The following UBTD1 variants were observed in gnomAD, a reference collection of about 807,000 sequenced individuals.
The protein encoded by UBTD1 is ubiquitin domain-containing protein 1.
In UBTD1, 19 loss-of-function variants were observed where a neutral mutation model predicts 21.7. That is an observed-to-expected ratio of 0.87 (90% CI 0.61 to 1.28). The LOEUF (loss-of-function observed/expected upper bound fraction) is 1.28. Ranked by LOEUF, UBTD1 falls within the 50% of genes most tolerant of loss-of-function variation. UBTD1 has a pLI of 0.00. For synonymous variants in UBTD1, 116 were observed against 135.1 expected (o/e 0.86, Z 0.98); for missense variants, 282 against 315.1 (o/e 0.89, Z 0.80).
At position 97,499,196 on chromosome 10, in the gene UBTD1, G is replaced by A; in HGVS notation, c.-8G>A. On this transcript the variant is annotated 5_prime_UTR_variant, in exon 1 of 3. Transcript: ENST00000370664. The stretch of plus-strand genomic sequence containing the variant: ...CTCCGGTGCATGGGGACTGGCTGAG[G>A]AGCCAGCATGGGCAACTGCGTGGGG... 6.5e-7 allele frequency: 1 copy of A among 1,543,334 alleles called. No homozygotes were observed. The highest frequency in any genetic ancestry group is 8.7e-7 in the Non-Finnish European group (1 of 1,143,962).
At chr10:97,516,935 G>A (rs753901097) in intron 1 of UBTD1, among the ~76,000 whole-genome samples, 4 of 152,136 alleles carry the variant, frequency 2.6e-5, no homozygotes, top group Non-Finnish European at 4.4e-5. Flanking sequence ...ATGGCACCTC[G>A]GATGCTGACT....
intron 1 of UBTD1, among the ~76,000 whole-genome samples, chr10:97,543,074 C>G (rs967516889): frequency 2.0e-5 from 3 of 152,260 alleles, no homozygotes; most frequent in Non-Finnish European, 4.4e-5. Context: ...TGGATTGCCT[C>G]TCAAGAGCCT....
At chr10:97,536,469 G>C (rs1160994078) in intron 1 of UBTD1, among the ~76,000 whole-genome samples, 4 of 152,236 alleles carry the variant, frequency 2.6e-5, no homozygotes, top group Admixed American at 6.5e-5. Context: ...GGGTACCCCA[G>C]CTAGTGTTTG....
rs145613339 is a variant in UBTD1 at position 97,502,014 on chromosome 10, G to A, written c.70+2741G>A. Among the ~76,000 whole-genome samples, 356 of 152,234 alleles carry A rather than the reference G, an allele frequency of 2.3e-3. 3 individuals are homozygous for A. Among genetic ancestry groups the A allele is most frequent in the African/African-American group, 7.8e-3 (325 of 41,528 alleles). The stretch of plus-strand genomic sequence containing the variant: ...ACAGTCTTTTATCAGCAACTACATT[G>A]CAAGCCTTGAAGACCTGGGTTCTGT... On this transcript the variant is annotated intron_variant, in intron 1 of 2. Transcript: ENST00000370664.
chr10:97,512,800 C>G (rs2040428106), intron 1 of UBTD1, among the ~76,000 whole-genome samples: 1 of 152,188 alleles, frequency 6.6e-6, no homozygotes, highest in Admixed American at 6.5e-5. Flanking sequence ...TTGACAGTAC[C>G]ATTCCTTGGG....
intron 1 of UBTD1, among the ~76,000 whole-genome samples, chr10:97,509,343 G>A (rs1039536802): frequency 6.6e-6 from 1 of 152,222 alleles, no homozygotes; most frequent in African/African-American, 2.4e-5. Flanking sequence ...TCTGTAAAAT[G>A]GGGTAAGCAT....
At position 97,567,599 on chromosome 10, in the gene UBTD1, C is replaced by T. The variant is rs563742125; in HGVS notation, c.71-315C>T. 1.3e-3 allele frequency among the ~76,000 whole-genome samples: 191 copies of T among 152,036 alleles called. 1 individual carries two copies. The highest frequency in any genetic ancestry group is 2.5e-3 in the African/African-American group (103 of 41,486). On this transcript the variant is annotated intron_variant, in intron 1 of 2. Transcript: ENST00000370664. ...GCTTGAACCCGGGAGGCGGAGGTTG[C>T]AGTGAGCCGAGGTCATGCCATTGCA...
chr10:97,562,617 G>A (rs757729749), intron 1 of UBTD1, among the ~76,000 whole-genome samples: 13 of 151,598 alleles, frequency 8.6e-5, no homozygotes, highest in Middle Eastern at 3.4e-3. Flanking sequence ...TCACAAGGGC[G>A]GGGGAATATC....
At chr10:97,537,510 C>T (rs1420615519) in intron 1 of UBTD1, among the ~76,000 whole-genome samples, 1 of 152,216 alleles carries the variant, frequency 6.6e-6, no homozygotes, top group Non-Finnish European at 1.5e-5. Flanking sequence ...CTCATTATTG[C>T]AGAAGGAAAC....
chr10:97,556,785 C>A (rs1371878062), intron 1 of UBTD1, among the ~76,000 whole-genome samples: 2 of 152,222 alleles, frequency 1.3e-5, no homozygotes, highest in African/African-American at 4.8e-5. Context: ...TCCAGTATAA[C>A]CTGGCGGGGG....
intron 1 of UBTD1, among the ~76,000 whole-genome samples, chr10:97,517,434 A>AGCTGTGACAGTGGCCAAGTCGCC (rs1473879556): frequency 2.6e-5 from 4 of 152,068 alleles, no homozygotes; most frequent in African/African-American, 9.7e-5. Flanking sequence ...GCCCCTCAGG[A>AGCTGTGACAGTGGCCAAGTCGCC]GCTGTGACAG....
chr10:97,502,382 A>G (rs960254658), intron 1 of UBTD1, among the ~76,000 whole-genome samples: 1 of 152,180 alleles, frequency 6.6e-6, no homozygotes, highest in Non-Finnish European at 1.5e-5. Flanking sequence ...TGACAAGGAC[A>G]TAGTTTTACG....
Position 97,568,182 on chromosome 10 carries a change from G to A in UBTD1, c.298+41G>A, listed in dbSNP as rs139733086. 21 of 1,603,948 alleles carry A rather than the reference G, an allele frequency of 1.3e-5. No individual in the cohort carries two copies. In the East Asian group the frequency reaches 3.8e-4, roughly 29 times the overall value. On this transcript the variant is annotated intron_variant, in intron 2 of 2. Transcript: ENST00000370664. ...CAGGGCTTTATCCCCGCTGGAGCTA[G>A]GGGGTCACCAGCACAGTTTGAGGGT...
At chr10:97,530,480 T>G (rs549403230) in intron 1 of UBTD1, among the ~76,000 whole-genome samples, 2 of 152,350 alleles carry the variant, frequency 1.3e-5, no homozygotes, top group Admixed American at 1.3e-4. Context: ...GCTCAGCACA[T>G]ATTTGCTCAA....
chr10:97,562,569 C>G (rs1273576140), intron 1 of UBTD1, among the ~76,000 whole-genome samples: 1 of 151,990 alleles, frequency 6.6e-6, no homozygotes, highest in Non-Finnish European at 1.5e-5. Context: ...TACAAAATAC[C>G]TTCTCAAGGG....
At chr10:97,517,974 G>A (rs1327624883) in intron 1 of UBTD1, among the ~76,000 whole-genome samples, 1 of 152,158 alleles carries the variant, frequency 6.6e-6, no homozygotes, top group Admixed American at 6.5e-5. Context: ...TTGAGTGGGG[G>A]ACAGACACAC....
chr10:97,569,312 A>G (rs577898348), intron 2 of UBTD1, among the ~76,000 whole-genome samples: 1 of 152,354 alleles, frequency 6.6e-6, no homozygotes, highest in African/African-American at 2.4e-5. Flanking sequence ...GACAATAAAC[A>G]TATTTCTCCA....
rs2040499180 is a variant in UBTD1 at position 97,528,069 on chromosome 10, G to C, written c.70+28796G>C. On this transcript the variant is annotated intron_variant, in intron 1 of 2. Coordinates refer to ENST00000370664, the MANE Select transcript of UBTD1 (RefSeq NM_024954.5). ...CCTCCCGGACGGGGCGGCTGGCTGG[G>C]CGGGGGGCTGACTCCCCCACCTCCC... 5.0e-5 allele frequency among the ~76,000 whole-genome samples: 7 copies of C among 138,644 alleles called. 1 individual carries two copies. The allele number at this position is 138,644 out of a possible 152,430, so 91.0% of individuals were successfully genotyped here. A position where few individuals can be genotyped will look rare whatever the true frequency, so the allele number is the denominator to read the frequency against.
At chr10:97,530,224 A>ATGAC (rs2040522526) in intron 1 of UBTD1, among the ~76,000 whole-genome samples, 1 of 150,270 alleles carries the variant, frequency 6.7e-6, no homozygotes, top group African/African-American at 2.4e-5. Flanking sequence ...GAATGAATGA[A>ATGAC]TGGATGGATG....
Sources: allele counts gnomAD v4.1 joint callset (sites outside exome capture counted in the v4.1 genomes callset), GRCh38; gene constraint gnomAD v4.1.1; transcripts MANE v1.5; gene names NCBI Gene and HGNC (gene_info 2026-07-23, HGNC 2026-07-21).